NTRK2: variants seen among roughly 807,000 people sequenced by gnomAD.
NTRK2 encodes the protein BDNF/NT-3 growth factors receptor.
Under a neutral mutation model 94.5 loss-of-function variants are expected in NTRK2, and 13 were observed. That is an observed-to-expected ratio of 0.14 (90% CI 0.09 to 0.22). The LOEUF (loss-of-function observed/expected upper bound fraction) is 0.22, where lower values mean the gene tolerates loss of function less well. NTRK2 is among the 10% of genes least tolerant of loss of function. The probability of loss-of-function intolerance (pLI) is 1.00; values close to 1 mark genes in which losing one functional copy is unlikely to be tolerated. For synonymous variants in NTRK2, 372 were observed against 407.4 expected, an observed-to-expected ratio of 0.91 and a Z score of 1.05; for missense variants, 639 against 1,071.2, an observed-to-expected ratio of 0.60 and a Z score of 5.63.
chr9:84,742,366 A>G (rs2063711958), intron 10 of NTRK2, among the ~76,000 whole-genome samples: 1 of 152,202 alleles, frequency 6.6e-6, no homozygotes, highest in Non-Finnish European at 1.5e-5. Context: ...AGGGTTGGTT[A>G]AAGCAGCAGC....
chr9:85,004,968 C>T (rs536448634), intron 17 of NTRK2, among the ~76,000 whole-genome samples: 57 of 152,254 alleles, frequency 3.7e-4, no homozygotes, highest in African/African-American at 1.3e-3. Context: ...ACTAAGCATC[C>T]TAGAGATTTG....
chr9:84,838,445 C>T (rs1274988491), intron 12 of NTRK2, among the ~76,000 whole-genome samples: 3 of 150,132 alleles, frequency 2.0e-5, no homozygotes, highest in Admixed American at 2.0e-4. Context: ...TACAATATTA[C>T]ACTATTTTCA....
At chr9:84,864,033 C>T (rs943293120) in intron 13 of NTRK2, among the ~76,000 whole-genome samples, 2 of 152,190 alleles carry the variant, frequency 1.3e-5, no homozygotes, top group Non-Finnish European at 2.9e-5. Flanking sequence ...GAGCAAATCA[C>T]TTGGTTGGAC....
At chr9:84,985,356 G>A (rs764609416) in intron 17 of NTRK2, among the ~76,000 whole-genome samples, 1 of 152,168 alleles carries the variant, frequency 6.6e-6, no homozygotes, top group African/African-American at 2.4e-5. Flanking sequence ...ACTCCTCTGG[G>A]CACGTTATAG....
At position 84,727,813 on chromosome 9, in the gene NTRK2, A is replaced by G; in HGVS notation, c.1013A>G (p.Asn338Ser). The G allele has an allele frequency of 1.2e-6, 2 of 1,614,196 alleles. No homozygotes were observed. Among genetic ancestry groups the G allele is most frequent in the Non-Finnish European group, 1.7e-6 (2 of 1,180,032 alleles). Reference protein sequence around the residue: ...KYICTKIHVTNHTEYHGCLQL... With the variant: ...KYICTKIHVTSHTEYHGCLQL... ...ATCTGTACTAAAATACATGTTACCA[A>G]TCACACGGAGTACCACGGCTGCCTC... Residue 338 changes from asparagine to serine, a missense_variant, in exon 9 of 19, where the codon AAT becomes AGT. This residue lies in a region of NTRK2 where 343 missense variants were observed against 571.5 expected (regional missense o/e 0.60). Transcript: ENST00000277120.
chr9:84,889,982 T>C (rs968451784), intron 14 of NTRK2, among the ~76,000 whole-genome samples: 4 of 152,218 alleles, frequency 2.6e-5, no homozygotes, highest in Non-Finnish European at 2.9e-5. Flanking sequence ...ATTATAAAGA[T>C]ATAAATGTCT....
chr9:84,981,176 G>A (rs757568313), intron 17 of NTRK2, among the ~76,000 whole-genome samples: 1 of 152,128 alleles, frequency 6.6e-6, no homozygotes, highest in Admixed American at 6.5e-5. Flanking sequence ...CGCCTCCTGG[G>A]TTCAAGCGAT....
Position 84,888,982 on chromosome 9 carries a change from A to ATTTTTTTTTTTTTTT in NTRK2, c.1633+21563_1633+21577dup, listed in dbSNP as rs71369159. 1.9e-3 allele frequency among the ~76,000 whole-genome samples: 189 copies of ATTTTTTTTTTTTTTT among 101,706 alleles called. 67 individuals carry two copies. Among genetic ancestry groups the ATTTTTTTTTTTTTTT allele is most frequent in the African/African-American group, 3.7e-3 (92 of 25,020 alleles). 66.7% of individuals were successfully genotyped at this position (101,706 alleles called of 152,430 possible). On this transcript the variant is annotated intron_variant, in intron 14 of 18. Transcript: ENST00000277120. ...TCCCCATTATTTATTAATGACAGAA[A>ATTTTTTTTTTTTTTT]TTTTTTTTTTTTTTTTTTTTTTTTT... is the stretch of plus-strand genomic sequence containing the variant.
intron 12 of NTRK2, among the ~76,000 whole-genome samples, chr9:84,792,738 A>C (rs560837795): frequency 6.6e-6 from 1 of 152,312 alleles, no homozygotes; most frequent in Non-Finnish European, 1.5e-5. Flanking sequence ...AAATATAATA[A>C]TCACCATTTA....
At chr9:84,923,735 G>T (rs911597964) in intron 14 of NTRK2, among the ~76,000 whole-genome samples, 1 of 152,068 alleles carries the variant, frequency 6.6e-6, no homozygotes, top group Admixed American at 6.5e-5. Flanking sequence ...GGCCAATATG[G>T]CAAAACCCCA....
chr9:84,756,380 T>C (rs1261722217), intron 12 of NTRK2, among the ~76,000 whole-genome samples: 4 of 152,138 alleles, frequency 2.6e-5, no homozygotes, highest in Admixed American at 2.6e-4. Flanking sequence ...AATGGAAGCA[T>C]TGAGGAGCAC....
At position 84,730,783 on chromosome 9, in the gene NTRK2, CAAAAAA is replaced by C; in HGVS notation, c.1159+2844_1159+2849del. ...AAACTAAAGAAAAATAAACAAATAG[CAAAAAA>C]AAAAAAAAAAAAAAAAAAATCCCTG... On this transcript the variant is annotated intron_variant, in intron 9 of 18. Coordinates refer to ENST00000277120, the MANE Select transcript of NTRK2 (RefSeq NM_006180.6). 7.5e-4 allele frequency among the ~76,000 whole-genome samples: 18 copies of C among 24,142 alleles called. 1 individual carries two copies. The highest frequency in any genetic ancestry group is 2.5e-3 in the African/African-American group (14 of 5,640). The allele number at this position is 24,142 out of a possible 152,430, so 15.8% of individuals were successfully genotyped here.
At chr9:84,738,203 A>T (rs1299568515) in intron 9 of NTRK2, among the ~76,000 whole-genome samples, 1 of 151,622 alleles carries the variant, frequency 6.6e-6, no homozygotes, top group Non-Finnish European at 1.5e-5. Flanking sequence ...GATGAGCACT[A>T]CTAGGATAGC....
chr9:84,675,896 C>T (rs2059022074), intron 2 of NTRK2, among the ~76,000 whole-genome samples: 1 of 152,182 alleles, frequency 6.6e-6, no homozygotes, highest in South Asian at 2.1e-4. Flanking sequence ...CTTCTCACCA[C>T]TTACTTTGCT....
intron 14 of NTRK2, chr9:84,872,111 T>C: frequency 1.5e-6 from 2 of 1,311,470 alleles, no homozygotes; most frequent in South Asian, 3.4e-5. Flanking sequence ...ACATCAAGTC[T>C]GGAGTTGGTC....
At chr9:84,762,163 G>C (rs927608464) in intron 12 of NTRK2, among the ~76,000 whole-genome samples, 2 of 152,138 alleles carry the variant, frequency 1.3e-5, no homozygotes, top group Non-Finnish European at 1.5e-5. Flanking sequence ...CGTTAAACCT[G>C]TTTCCTTTAT....
intron 15 of NTRK2, among the ~76,000 whole-genome samples, chr9:84,941,918 T>C (rs1176485845): frequency 1.3e-5 from 2 of 152,214 alleles, no homozygotes; most frequent in African/African-American, 4.8e-5. Context: ...ACCTCCTGTT[T>C]CCCTTTGGAT....
intron 3 of NTRK2, 57 bp from the exon 4 acceptor site, chr9:84,702,291 G>C: frequency 6.2e-7 from 1 of 1,608,012 alleles, no homozygotes; most frequent in Non-Finnish European, 8.5e-7. Flanking sequence ...GTCTGCTCTG[G>C]TCAGGCAGGC....
At chr9:84,850,494 G>C (rs1052376864) in intron 12 of NTRK2, among the ~76,000 whole-genome samples, 1 of 152,118 alleles carries the variant, frequency 6.6e-6, no homozygotes, top group Non-Finnish European at 1.5e-5. Flanking sequence ...GCCAGGTAAA[G>C]ATTTTGAATG....
Sources: allele counts gnomAD v4.1 joint callset (sites outside exome capture counted in the v4.1 genomes callset), GRCh38; gene constraint gnomAD v4.1.1; regional missense constraint gnomAD v4.1.1; transcripts MANE v1.5; gene names NCBI Gene and HGNC (gene_info 2026-07-23, HGNC 2026-07-21).